SGPL1: variants seen among roughly 807,000 people sequenced by gnomAD.
The protein encoded by SGPL1 is SP-lyase 1.
Under a neutral mutation model 68.9 loss-of-function variants are expected in SGPL1, and 37 were observed. That is an observed-to-expected ratio of 0.54 (90% CI 0.41 to 0.71). The LOEUF is 0.71. SGPL1 is among the 30% of genes least tolerant of loss of function. The probability of loss-of-function intolerance (pLI) is 0.00; values close to 1 mark genes in which losing one functional copy is unlikely to be tolerated. For synonymous variants in SGPL1, 236 were observed against 248.5 expected (o/e 0.95, Z 0.47); for missense variants, 551 against 704.6 (o/e 0.78, Z 2.47).
rs183565765 is a variant in SGPL1, at chr10:70,863,186, C to T, written c.615+3687C>T. Reference sequence around the variant, plus strand: ...ATTTTTAGTAGAGATGGGGTTTCACCATGTTGCCCAGGCTGGTGTTGAACT... The same window carrying T: ...ATTTTTAGTAGAGATGGGGTTTCACTATGTTGCCCAGGCTGGTGTTGAACT... On this transcript the variant is annotated intron_variant, in intron 7 of 14. Transcript: ENST00000373202. Among the ~76,000 whole-genome samples, 33 of 151,934 alleles carry T rather than the reference C, an allele frequency of 2.2e-4. 1 individual carries two copies. In the East Asian group the frequency reaches 5.8e-3, roughly 27 times the overall value.
chr10:70,838,768 G>A (rs1301009694), intron 2 of SGPL1, among the ~76,000 whole-genome samples: 1 of 152,184 alleles, frequency 6.6e-6, no homozygotes, highest in Non-Finnish European at 1.5e-5. Flanking sequence ...AAATAGAAAT[G>A]TGAGTACATT....
At chr10:70,830,068 C>T (rs1040990490) in intron 2 of SGPL1, among the ~76,000 whole-genome samples, 7 of 152,076 alleles carry the variant, frequency 4.6e-5, no homozygotes, top group African/African-American at 1.4e-4. Flanking sequence ...CTGTCCTTGG[C>T]CCATTTAAAA....
chr10:70,832,562 C>G (rs1845560101), intron 2 of SGPL1, among the ~76,000 whole-genome samples: 1 of 152,190 alleles, frequency 6.6e-6, no homozygotes, highest in Non-Finnish European at 1.5e-5. Context: ...AGACTTCTTT[C>G]TGTGTGAGAA....
intron 7 of SGPL1, among the ~76,000 whole-genome samples, chr10:70,863,037 T>G (rs991327013): frequency 6.6e-6 from 1 of 152,108 alleles, no homozygotes; most frequent in Non-Finnish European, 1.5e-5. Flanking sequence ...CAGGCCAGAG[T>G]GTAGTGGTGC....
chr10:70,840,383 A>G (rs1410119936), intron 2 of SGPL1, among the ~76,000 whole-genome samples: 1 of 152,120 alleles, frequency 6.6e-6, no homozygotes, highest in East Asian at 1.9e-4. Context: ...GTATTGCATC[A>G]GGACCCAGCC....
rs66962270 is a variant in SGPL1 at position 70,835,735 on chromosome 10, C to CAAAAAAAAAAAAAAAAAAAA, written c.28-8720_28-8719insAAAAAAAAAAAAAAAAAAAA. Among the ~76,000 whole-genome samples the CAAAAAAAAAAAAAAAAAAAA allele has an allele frequency of 1.0e-3, 71 of 70,138 alleles. 2 individuals are homozygous for CAAAAAAAAAAAAAAAAAAAA. Among genetic ancestry groups the CAAAAAAAAAAAAAAAAAAAA allele is most frequent in the African/African-American group, 4.1e-3 (69 of 16,800 alleles). The allele number at this position is 70,138 out of a possible 152,430, so 46.0% of individuals were successfully genotyped here. On this transcript the variant is annotated intron_variant, in intron 2 of 14. Transcript: ENST00000373202. ...TGGGTGACAGAGCAAGACTCCGTCT[C>CAAAAAAAAAAAAAAAAAAAA]AAAAAAAAAAAAAAAAAAGAAATGC...
chr10:70,874,228 G>A (rs913227018), intron 12 of SGPL1, among the ~76,000 whole-genome samples: 4 of 152,128 alleles, frequency 2.6e-5, no homozygotes, highest in Non-Finnish European at 4.4e-5. Context: ...ACTTGGATTG[G>A]GGAGGCTCTT....
chr10:70,845,731 A>G (rs1319151026), intron 3 of SGPL1, among the ~76,000 whole-genome samples: 2 of 151,820 alleles, frequency 1.3e-5, no homozygotes, highest in African/African-American at 4.8e-5. Flanking sequence ...CAAGTAGTGG[A>G]TTTGGTGCTG....
At chr10:70,844,418 A>G in intron 2 of SGPL1, 55 bp from the exon 3 acceptor site, 3 of 1,518,644 alleles carry the variant, frequency 2.0e-6, no homozygotes, top group Admixed American at 3.6e-5. Flanking sequence ...AACTAAGAAC[A>G]GACTTCTTTT....
intron 13 of SGPL1, 97 bp downstream of exon 13, chr10:70,875,645 G>C: frequency 2.2e-6 from 2 of 901,802 alleles, no homozygotes; most frequent in Non-Finnish European, 3.4e-6. Flanking sequence ...GACTGCTAGA[G>C]GCTAGCACGT....
chr10:70,824,843 G>T lies in SGPL1; in HGVS notation c.27+7963G>T, dbSNP rs1203278363. On this transcript the variant is annotated intron_variant, in intron 2 of 14. Transcript: ENST00000373202. Reference sequence around the variant, plus strand: ...ACAGCTATATATAAACATGGGTAAGGTAAGCGCAGACTAGTTCTGTGGAAC... The same window carrying T: ...ACAGCTATATATAAACATGGGTAAGTTAAGCGCAGACTAGTTCTGTGGAAC... Among the ~76,000 whole-genome samples the T allele has an allele frequency of 4.6e-5, 7 of 152,248 alleles. No homozygotes were observed. The South Asian group carries it at 1.4e-3, about 32-fold the overall frequency.
chr10:70,821,194 A>G (rs973397941), intron 2 of SGPL1, among the ~76,000 whole-genome samples: 1 of 152,166 alleles, frequency 6.6e-6, no homozygotes, highest in Non-Finnish European at 1.5e-5. Flanking sequence ...GAGTATGTTC[A>G]TCTGCTGAGA....
At position 70,816,754 on chromosome 10, in the gene SGPL1, G is replaced by T. The variant is rs1845239136; in HGVS notation, c.-43-57G>T. The T allele has an allele frequency of 4.1e-6, 5 of 1,207,594 alleles. No homozygotes were observed. The South Asian group carries it at 4.8e-5, about 12-fold the overall frequency. 74.8% of individuals were successfully genotyped at this position (1,207,594 alleles called of 1,614,324 possible). A position where few individuals can be genotyped will look rare whatever the true frequency, so the allele number is the denominator to read the frequency against. ...CTTGGCTGCTCTGGCGAATCTAGGCGGGCTGGCGAGACAGTTTAAAGCTCT... is the reference window on the plus strand; with the variant it reads ...CTTGGCTGCTCTGGCGAATCTAGGCTGGCTGGCGAGACAGTTTAAAGCTCT... On this transcript the variant is annotated intron_variant, in intron 1 of 14. Coordinates refer to ENST00000373202, the MANE Select transcript of SGPL1 (RefSeq NM_003901.4).
At chr10:70,873,145 C>T (rs1846323277) in intron 11 of SGPL1, among the ~76,000 whole-genome samples, 1 of 152,244 alleles carries the variant, frequency 6.6e-6, no homozygotes, top group Non-Finnish European at 1.5e-5. Context: ...TCAGATTCCT[C>T]ATTCCTAACA....
In SGPL1 at chr10:70,825,262, G is replaced by A. The variant is rs182106433; in HGVS notation, c.27+8382G>A. ...ACTTCAAACTCTTTTGCTACCCTCTGATCTCCTGCTGTAGCCTCCCATTGG... is the reference window on the plus strand; with the variant it reads ...ACTTCAAACTCTTTTGCTACCCTCTAATCTCCTGCTGTAGCCTCCCATTGG... On this transcript the variant is annotated intron_variant, in intron 2 of 14. Coordinates refer to ENST00000373202, the MANE Select transcript of SGPL1 (RefSeq NM_003901.4). Among the ~76,000 whole-genome samples, 22 of 152,272 alleles carry A rather than the reference G, an allele frequency of 1.4e-4. No individual in the cohort carries two copies. The East Asian group carries it at 1.9e-3, about 13-fold the overall frequency.
At chr10:70,818,255 G>C (rs1845274162) in intron 2 of SGPL1, among the ~76,000 whole-genome samples, 2 of 152,066 alleles carry the variant, frequency 1.3e-5, no homozygotes, top group Non-Finnish European at 2.9e-5. Flanking sequence ...CGGGTAGCTG[G>C]GATTATAGGT....
chr10:70,859,142 G>A (rs971082445), intron 6 of SGPL1, among the ~76,000 whole-genome samples: 1 of 152,178 alleles, frequency 6.6e-6, no homozygotes, highest in Non-Finnish European at 1.5e-5. Flanking sequence ...GTTATAGTCT[G>A]CGCTTTTAAC....
chr10:70,854,877 T>TG (rs1220623494), intron 5 of SGPL1, 22 bp downstream of exon 5: 2 of 1,569,768 alleles, frequency 1.3e-6, no homozygotes, highest in Admixed American at 1.9e-5. Context: ...GGCATATACA[T>TG]GCTCTCTACT....
At chr10:70,854,052 C>T (rs1287741875) in intron 4 of SGPL1, among the ~76,000 whole-genome samples, 2 of 152,174 alleles carry the variant, frequency 1.3e-5, no homozygotes, top group Non-Finnish European at 2.9e-5. Context: ...GCTGCCAAGG[C>T]AGGATCAAAG....
Sources: allele counts gnomAD v4.1 joint callset (sites outside exome capture counted in the v4.1 genomes callset), GRCh38; gene constraint gnomAD v4.1.1; transcripts MANE v1.5; gene names NCBI Gene and HGNC (gene_info 2026-07-23, HGNC 2026-07-21).